The following OPA1 variants were observed in gnomAD, a reference collection of about 807,000 sequenced individuals.
OPA1 encodes the protein dynamin-like GTPase OPA1, mitochondrial.
In OPA1, 59 loss-of-function variants were observed where a neutral mutation model predicts 152.9. That is an observed-to-expected ratio of 0.39 (90% CI 0.31 to 0.48). The LOEUF is 0.48. Among genes scored for constraint, OPA1 ranks in the 20% least tolerant of loss-of-function variants. The pLI is 0.96. For synonymous variants in OPA1, 400 were observed against 389.9 expected (o/e 1.03, Z -0.31); for missense variants, 1,008 against 1,216.8 (o/e 0.83, Z 2.55).
intron 21 of OPA1, among the ~76,000 whole-genome samples, chr3:193,652,339 G>A (rs1171112936): frequency 6.6e-6 from 1 of 151,756 alleles, no homozygotes; most frequent in Admixed American, 6.6e-5. Context: ...CCGAGACTGT[G>A]CCACTGCACT....
At chr3:193,665,867 A>G (rs963295270) in intron 27 of OPA1, among the ~76,000 whole-genome samples, 2 of 152,172 alleles carry the variant, frequency 1.3e-5, no homozygotes, top group African/African-American at 4.8e-5. Context: ...TAAATACATC[A>G]CTTTATTTTC....
intron 6 of OPA1, among the ~76,000 whole-genome samples, chr3:193,623,275 G>A (rs1304806965): frequency 2.6e-5 from 4 of 152,090 alleles, no homozygotes; most frequent in South Asian, 2.1e-4. Flanking sequence ...CACATTGTGA[G>A]GCTAGGTTTC....
intron 8 of OPA1, among the ~76,000 whole-genome samples, chr3:193,633,272 G>C (rs1010259288): frequency 4.6e-5 from 7 of 152,144 alleles, no homozygotes; most frequent in African/African-American, 1.7e-4. Context: ...TCAGCAATCT[G>C]TTTTTAAATG....
At chr3:193,623,780 G>C (rs2108925258) in intron 6 of OPA1, among the ~76,000 whole-genome samples, 1 of 152,270 alleles carries the variant, frequency 6.6e-6, no homozygotes, top group East Asian at 1.9e-4. Flanking sequence ...TTGCACAGTA[G>C]GTGCATAGAT....
At chr3:193,647,031 A>T (rs1478930110) in intron 18 of OPA1, 34 bp from the exon 19 acceptor site, 1 of 1,398,212 alleles carries the variant, frequency 7.2e-7, no homozygotes, top group Admixed American at 1.7e-5. Context: ...TGTCATTTTA[A>T]TATACTTTAG....
chr3:193,694,777 G>A lies in OPA1; in HGVS notation c.*177G>A, dbSNP rs1285697278. The A allele has an allele frequency of 2.0e-5, 3 of 152,160 alleles. No individual in the cohort carries two copies. The highest frequency in any genetic ancestry group is 2.9e-5 in the Non-Finnish European group (2 of 68,026). The allele number at this position is 152,160 out of a possible 1,614,324, so 9.4% of individuals were successfully genotyped here. Reference sequence around the variant, plus strand: ...TTTAACCATCAGCTGCCTCTCGAATGGAAGAACAGTGGTAATGGATTAACA... The same window carrying A: ...TTTAACCATCAGCTGCCTCTCGAATAGAAGAACAGTGGTAATGGATTAACA... On this transcript the variant is annotated 3_prime_UTR_variant, in exon 31 of 31. Coordinates refer to ENST00000361510, the MANE Select transcript of OPA1 (RefSeq NM_130837.3).
chr3:193,625,655 G>GA (rs1730985737), intron 6 of OPA1, among the ~76,000 whole-genome samples: 1 of 150,820 alleles, frequency 6.6e-6, no homozygotes, highest in African/African-American at 2.4e-5. Flanking sequence ...GAAATATCAA[G>GA]AAAAAATACT....
intron 12 of OPA1, 39 bp downstream of exon 12, chr3:193,642,884 A>G (rs754870493): frequency 2.6e-6 from 4 of 1,561,972 alleles, no homozygotes; most frequent in Non-Finnish European, 3.5e-6. Context: ...GTGTAATTTT[A>G]TAACCTGGAT....
intron 1 of OPA1, among the ~76,000 whole-genome samples, chr3:193,604,915 C>A (rs1727025933): frequency 6.6e-6 from 1 of 150,924 alleles, no homozygotes; most frequent in Admixed American, 6.6e-5. Context: ...TCCATTGAAG[C>A]CCTGTGACCT....
intron 6 of OPA1, chr3:193,624,147 G>T (rs555712750): frequency 6.6e-6 from 1 of 152,466 alleles, no homozygotes; most frequent in Admixed American, 6.5e-5. Flanking sequence ...GTAAAAAAAA[G>T]CATTGTGTGC....
chr3:193,655,913 G>GTTTCTAATT (rs1156260166), intron 22 of OPA1, among the ~76,000 whole-genome samples: 2 of 152,182 alleles, frequency 1.3e-5, no homozygotes, highest in Admixed American at 1.3e-4. Flanking sequence ...GGCAGTGTCA[G>GTTTCTAATT]TTTCTAATTA....
chr3:193,645,664 C>A (rs1301713838), intron 17 of OPA1, 39 bp downstream of exon 17: 3 of 1,605,448 alleles, frequency 1.9e-6, no homozygotes, highest in Non-Finnish European at 2.6e-6. Context: ...TTTTTAGTTT[C>A]TGTTGTTTTC....
At chr3:193,689,507 A>G (rs1288903863) in intron 29 of OPA1, among the ~76,000 whole-genome samples, 1 of 152,148 alleles carries the variant, frequency 6.6e-6, no homozygotes, top group East Asian at 1.9e-4. Flanking sequence ...TTTATTTAGG[A>G]AAAAAACTGC....
At chr3:193,637,856 A>T in intron 10 of OPA1, 96 bp from the exon 11 acceptor site, 1 of 1,005,842 alleles carries the variant, frequency 9.9e-7, no homozygotes, top group Non-Finnish European at 1.5e-6. Flanking sequence ...TAGAAATTTT[A>T]AAAGACTAAA....
chr3:193,622,671 A>C (rs973210424), intron 6 of OPA1, among the ~76,000 whole-genome samples: 4 of 152,108 alleles, frequency 2.6e-5, no homozygotes, highest in Non-Finnish European at 4.4e-5. Context: ...AGCTCCATTA[A>C]TTATATTCTT....
At chr3:193,619,342 C>T (rs959505826) in intron 6 of OPA1, among the ~76,000 whole-genome samples, 5 of 152,106 alleles carry the variant, frequency 3.3e-5, no homozygotes, top group African/African-American at 9.7e-5. Context: ...AATTATTTAT[C>T]AACAGAACCC....
intron 6 of OPA1, 24 bp from the exon 7 acceptor site, chr3:193,626,068 C>G: frequency 6.4e-7 from 1 of 1,564,284 alleles, no homozygotes; most frequent in Non-Finnish European, 8.8e-7. Context: ...ATTTCCTCTT[C>G]TCCTCATTGT....
In OPA1 at chr3:193,626,229, G is replaced by C. The variant is rs151279038; in HGVS notation, c.789+27G>C. ...TGATGGATGGTTTAAGGGGGCTACC[G>C]ATACATTCACACTAATCAGCCATTT... On this transcript the variant is annotated intron_variant, in intron 7 of 30. Transcript: ENST00000361510. 2.4e-4 allele frequency: 360 copies of C among 1,512,102 alleles called. 1 individual carries two copies. The East Asian group carries it at 7.3e-3, about 31-fold the overall frequency. 93.7% of individuals were successfully genotyped at this position (1,512,102 alleles called of 1,614,324 possible).
rs1057522968 is a variant in OPA1, at chr3:193,648,051, A to C, written c.1871-19A>C. ...AAAGAAGGAGGGTCATCAAACTTGA[A>C]CTTTTCCTTCTTCCTCAGCAACACG... On this transcript the variant is annotated intron_variant, in intron 19 of 30. Transcript: ENST00000361510. 8 of 1,598,782 alleles carry C rather than the reference A, an allele frequency of 5.0e-6. No individual in the cohort carries two copies. The highest frequency in any genetic ancestry group is 6.9e-6 in the Non-Finnish European group (8 of 1,166,046).
Sources: allele counts gnomAD v4.1 joint callset (sites outside exome capture counted in the v4.1 genomes callset), GRCh38; gene constraint gnomAD v4.1.1; transcripts MANE v1.5; gene names NCBI Gene and HGNC (gene_info 2026-07-23, HGNC 2026-07-21).